Variants in ULK4 observed in about 807,000 individuals in gnomAD.
The protein encoded by ULK4 is unc-51 like kinase 4, also known as inactive serine/threonine-protein kinase ULK4.
In ULK4, 133 loss-of-function variants were observed where a neutral mutation model predicts 160.6. The observed-to-expected ratio is 0.83, with a 90% CI of 0.72 to 0.96. The LOEUF (loss-of-function observed/expected upper bound fraction) is 0.96, where lower values mean the gene tolerates loss of function less well. Among genes scored for constraint, ULK4 ranks in the 40% least tolerant of loss-of-function variants. The probability of loss-of-function intolerance (pLI) is 0.00; values close to 1 mark genes in which losing one functional copy is unlikely to be tolerated. For missense variants in ULK4, 1,580 were observed against 1,499.5 expected (o/e 1.05, Z -0.89); for synonymous variants, 534 against 539.8 (o/e 0.99, Z 0.15).
At chr3:41,652,345 T>G (rs1402928641) in intron 30 of ULK4, among the ~76,000 whole-genome samples, 2 of 152,134 alleles carry the variant, frequency 1.3e-5, no homozygotes, top group South Asian at 2.1e-4. Flanking sequence ...AGAATTTAGG[T>G]TGGTGTTTTT....
At chr3:41,782,755 A>G (rs1218540652) in intron 21 of ULK4, among the ~76,000 whole-genome samples, 3 of 152,242 alleles carry the variant, frequency 2.0e-5, no homozygotes, top group Non-Finnish European at 4.4e-5. Flanking sequence ...AACTTTATTT[A>G]AAAGTTTATC....
chr3:41,507,309 T>C (rs2085428312), intron 32 of ULK4, among the ~76,000 whole-genome samples: 1 of 151,770 alleles, frequency 6.6e-6, no homozygotes, highest in Non-Finnish European at 1.5e-5. Context: ...TTGTGAAAAC[T>C]ACTACTGTTA....
intron 32 of ULK4, among the ~76,000 whole-genome samples, chr3:41,516,028 T>C (rs2085736997): frequency 1.3e-5 from 2 of 152,182 alleles, no homozygotes; most frequent in Admixed American, 1.3e-4. Context: ...CTAAATTGTA[T>C]GCTTAAAATT....
chr3:41,568,391 A>C (rs1322636776), intron 31 of ULK4, among the ~76,000 whole-genome samples: 9 of 152,322 alleles, frequency 5.9e-5, no homozygotes, highest in Admixed American at 5.2e-4. Flanking sequence ...TTATTCTCCT[A>C]ATATACTTCT....
chr3:41,930,015 A>T (rs1413668877), intron 5 of ULK4, among the ~76,000 whole-genome samples: 1 of 152,188 alleles, frequency 6.6e-6, no homozygotes, highest in Non-Finnish European at 1.5e-5. Flanking sequence ...ACCAAAAAAG[A>T]GCCCGCATAG....
At chr3:41,840,634 C>G (rs1397650040) in intron 17 of ULK4, among the ~76,000 whole-genome samples, 1 of 152,242 alleles carries the variant, frequency 6.6e-6, no homozygotes, top group Admixed American at 6.5e-5. Context: ...CCTCGGCCTC[C>G]CGGGGTGCTG....
rs562056778 is a variant in ULK4, at chr3:41,274,379, C to T, written c.3679-24805G>A. ...TATATTTTAAGGCTCCACAGTAACACAGACAGCCACTAGTAATTGTTCCCT... is the reference window on the plus strand; with the variant it reads ...TATATTTTAAGGCTCCACAGTAACATAGACAGCCACTAGTAATTGTTCCCT... On this transcript the variant is annotated intron_variant, in intron 35 of 36. Transcript: ENST00000301831. Among the ~76,000 whole-genome samples, 23 of 152,304 alleles carry T rather than the reference C, an allele frequency of 1.5e-4. 1 individual carries two copies. The South Asian group carries it at 3.9e-3, about 26-fold the overall frequency.
chr3:41,559,741 T>A lies in ULK4; in HGVS notation c.3226+6284A>T, dbSNP rs188362322. Reference sequence around the variant, plus strand: ...TGGAGTTGTTTATTTTCTTGTAAATTTGTTTAAGTTCTTTGCAGATTCTGG... The same window carrying A: ...TGGAGTTGTTTATTTTCTTGTAAATATGTTTAAGTTCTTTGCAGATTCTGG... On this transcript the variant is annotated intron_variant, in intron 32 of 36. Coordinates refer to ENST00000301831, the MANE Select transcript of ULK4 (RefSeq NM_017886.4). Among the ~76,000 whole-genome samples, 566 of 152,294 alleles carry A rather than the reference T, an allele frequency of 3.7e-3. 21 individuals are homozygous for A. The highest frequency in any genetic ancestry group is 0.029 in the Admixed American group (448 of 15,294).
At chr3:41,485,479 C>T (rs1038885915) in intron 32 of ULK4, among the ~76,000 whole-genome samples, 9 of 152,158 alleles carry the variant, frequency 5.9e-5, no homozygotes, top group Admixed American at 2.6e-4. Flanking sequence ...GCAAGAAATT[C>T]TACCTTGAAA....
At chr3:41,617,706 G>T (rs766248148) in intron 30 of ULK4, among the ~76,000 whole-genome samples, 11 of 152,142 alleles carry the variant, frequency 7.2e-5, no homozygotes, top group Non-Finnish European at 1.6e-4. Context: ...AATCCAGAAT[G>T]CCTCTTCTCC....
intron 32 of ULK4, among the ~76,000 whole-genome samples, chr3:41,475,081 A>C (rs921286298): frequency 2.0e-5 from 3 of 152,166 alleles, no homozygotes; most frequent in Non-Finnish European, 4.4e-5. Flanking sequence ...CAAGTTATAG[A>C]CTCAATCTAG....
chr3:41,661,494 CAGATAGATAGATAGATGAT>C (rs1293354883), intron 30 of ULK4, among the ~76,000 whole-genome samples: 4 of 134,418 alleles, frequency 3.0e-5, no homozygotes, highest in African/African-American at 1.6e-4. Flanking sequence ...GGCAGATAGA[CAGATAGATAGATAGATGAT>C]AGATAGATAG....
At chr3:41,250,504 TACAGGAGTCC>T (rs1248179655) in intron 35 of ULK4, among the ~76,000 whole-genome samples, 2 of 152,210 alleles carry the variant, frequency 1.3e-5, no homozygotes, top group African/African-American at 4.8e-5. Context: ...AAGGGGCTGC[TACAGGAGTCC>T]ACACGGAGCC....
At chr3:41,357,860 C>G (rs1265690999) in intron 35 of ULK4, among the ~76,000 whole-genome samples, 2 of 152,204 alleles carry the variant, frequency 1.3e-5, no homozygotes, top group Non-Finnish European at 2.9e-5. Flanking sequence ...TTACAACTAA[C>G]ACTTAGCATC....
At chr3:41,361,711 T>C (rs572730483) in intron 35 of ULK4, among the ~76,000 whole-genome samples, 1 of 152,320 alleles carries the variant, frequency 6.6e-6, no homozygotes, top group East Asian at 1.9e-4. Context: ...TTCTGCACAT[T>C]TTTGCATGAG....
At chr3:41,280,768 C>G (rs1392245938) in intron 35 of ULK4, among the ~76,000 whole-genome samples, 2 of 152,076 alleles carry the variant, frequency 1.3e-5, no homozygotes, top group Non-Finnish European at 1.5e-5. Flanking sequence ...CAAGAGCAAA[C>G]ACATTCAAAA....
At chr3:41,820,517 A>T (rs1197433087) in intron 18 of ULK4, among the ~76,000 whole-genome samples, 2 of 152,160 alleles carry the variant, frequency 1.3e-5, no homozygotes, top group East Asian at 3.9e-4. Context: ...ATCCTAAGCA[A>T]ATTGAAGCAA....
At chr3:41,880,267 G>C (rs1289622193) in intron 17 of ULK4, among the ~76,000 whole-genome samples, 1 of 152,142 alleles carries the variant, frequency 6.6e-6, no homozygotes, top group East Asian at 1.9e-4. Context: ...AATGATTACA[G>C]AGTGGTAAAT....
At chr3:41,772,649 G>A (rs2039436592) in intron 21 of ULK4, among the ~76,000 whole-genome samples, 1 of 152,118 alleles carries the variant, frequency 6.6e-6, no homozygotes, top group South Asian at 2.1e-4. Flanking sequence ...GTACAAGGAG[G>A]AACTGGTACC....
Sources: gnomAD v4.1 joint callset for allele counts (sites outside exome capture counted in the v4.1 genomes callset) on GRCh38, gnomAD v4.1.1 for gene constraint, MANE v1.5 for transcripts, NCBI Gene and HGNC (gene_info 2026-07-23, HGNC 2026-07-21) for gene names.